Variants in DAPL1 observed in about 807,000 individuals in gnomAD.
DAPL1 encodes the protein death associated protein like 1.
Under a neutral mutation model 12.9 loss-of-function variants are expected in DAPL1, and 17 were observed. The observed-to-expected ratio is 1.32, with a 90% CI of 0.90 to 1.98. The LOEUF (loss-of-function observed/expected upper bound fraction) is 1.98, where lower values mean the gene tolerates loss of function less well. Among genes scored for constraint, DAPL1 ranks in the 30% most tolerant of loss-of-function variants. The pLI is 0.00. For synonymous variants in DAPL1, 51 were observed against 42.0 expected (o/e 1.21, Z -0.82); for missense variants, 157 against 125.7 (o/e 1.25, Z -1.19).
At chr2:158,814,373 C>T (rs144877706) in intron 3 of DAPL1, among the ~76,000 whole-genome samples, 71 of 152,094 alleles carry the variant, frequency 4.7e-4, no homozygotes, top group African/African-American at 1.7e-3. Context: ...TTCCATTCTG[C>T]TAGAATGTTG....
intron 1 of DAPL1, among the ~76,000 whole-genome samples, 194 bp downstream of exon 1, chr2:158,795,624 A>AC (rs1292275513): frequency 1.3e-5 from 2 of 152,044 alleles, no homozygotes; most frequent in African/African-American, 2.4e-5. Context: ...GATTTGTCAG[A>AC]CCCCCAGTGA....
At chr2:158,809,113 C>A (rs919277311) in intron 3 of DAPL1, among the ~76,000 whole-genome samples, 10 of 152,142 alleles carry the variant, frequency 6.6e-5, no homozygotes, top group Admixed American at 1.3e-4. Flanking sequence ...GTAATCCCAG[C>A]ACTTTGCGAG....
chr2:158,813,594 C>T lies in DAPL1; in HGVS notation c.208-2111C>T, dbSNP rs1419684948. ...TTTTTGAGATGGAGTCTTGCTCTGT[C>T]GCCCAGGCTGGAGTGCAGTGACCCG... On this transcript the variant is annotated intron_variant, in intron 3 of 3. Transcript: ENST00000309950. Among the ~76,000 whole-genome samples, 21 of 142,606 alleles carry T rather than the reference C, an allele frequency of 1.5e-4. 1 individual carries two copies. Among genetic ancestry groups the T allele is most frequent in the Admixed American group, 3.6e-4 (5 of 13,762 alleles). 93.6% of individuals were successfully genotyped at this position (142,606 alleles called of 152,430 possible).
intron 1 of DAPL1, among the ~76,000 whole-genome samples, chr2:158,801,321 A>G (rs916817962): frequency 1.4e-4 from 22 of 152,220 alleles, no homozygotes; most frequent in Non-Finnish European, 2.9e-4. Flanking sequence ...AATGAAAAAT[A>G]CTGTTGGGAG....
chr2:158,804,904 T>C (rs1218927066), intron 2 of DAPL1, among the ~76,000 whole-genome samples: 4 of 152,344 alleles, frequency 2.6e-5, no homozygotes, highest in East Asian at 1.9e-4. Flanking sequence ...CACCATAACA[T>C]TGACGCCTGC....
chr2:158,815,120 C>A (rs1288223567), intron 3 of DAPL1, among the ~76,000 whole-genome samples: 1 of 152,228 alleles, frequency 6.6e-6, no homozygotes, highest in Non-Finnish European at 1.5e-5. Context: ...GTGGAGAAGA[C>A]TAATCAGAAC....
chr2:158,800,201 T>A (rs1002530806), intron 1 of DAPL1, among the ~76,000 whole-genome samples: 1 of 152,160 alleles, frequency 6.6e-6, no homozygotes, highest in African/African-American at 2.4e-5. Flanking sequence ...ATAATAAACA[T>A]AATCTAGTTC....
Position 158,813,763 on chromosome 2 carries a change from GC to G in DAPL1, c.208-1940del, listed in dbSNP as rs548369218. The stretch of plus-strand genomic sequence containing the variant: ...GTAGAGATGGGGTTTCACCGTGTTA[GC>G]CAGGATGGTCTCGATCGCCTGACCT... On this transcript the variant is annotated intron_variant, in intron 3 of 3. Transcript: ENST00000309950. 5.9e-5 allele frequency among the ~76,000 whole-genome samples: 9 copies of G among 152,166 alleles called. No homozygotes were observed. The South Asian group carries it at 1.9e-3, about 32-fold the overall frequency.
intron 3 of DAPL1, among the ~76,000 whole-genome samples, chr2:158,808,938 C>T (rs1292766083): frequency 6.6e-6 from 1 of 152,154 alleles, no homozygotes; most frequent in African/African-American, 2.4e-5. Flanking sequence ...ATGCTTATGT[C>T]TTTGACATAT....
Position 158,805,210 on chromosome 2 carries a change from T to C in DAPL1, c.146+841T>C, listed in dbSNP as rs144146481. Among the ~76,000 whole-genome samples the C allele has an allele frequency of 5.9e-4, 90 of 152,368 alleles. No homozygotes were observed. The East Asian group carries it at 9.1e-3, about 15-fold the overall frequency. ...GTGGCACTTCTTTGACTCTTTTCTATAAAATTATTTTTAAATCACTTTTAA... is the reference window on the plus strand; with the variant it reads ...GTGGCACTTCTTTGACTCTTTTCTACAAAATTATTTTTAAATCACTTTTAA... On this transcript the variant is annotated intron_variant, in intron 2 of 3. Transcript: ENST00000309950.
rs760342114 is a variant in DAPL1, at chr2:158,806,853, T to G, written c.147-202T>G. Among the ~76,000 whole-genome samples, 26 of 130,474 alleles carry G rather than the reference T, an allele frequency of 2.0e-4. 1 individual carries two copies. In the South Asian group the frequency reaches 5.8e-3, roughly 29 times the overall value. 85.6% of individuals were successfully genotyped at this position (130,474 alleles called of 152,430 possible). A position where few individuals can be genotyped will look rare whatever the true frequency, so the allele number is the denominator to read the frequency against. On this transcript the variant is annotated intron_variant, in intron 2 of 3. Transcript: ENST00000309950. ...CTGTGTCTCAGAAAAAAAAAAATAA[T>G]AATAATAATAATAATAATTTGGCCT... is the stretch of plus-strand genomic sequence containing the variant.
chr2:158,815,292 T>G (rs1026751401), intron 3 of DAPL1, among the ~76,000 whole-genome samples: 4 of 152,342 alleles, frequency 2.6e-5, no homozygotes, highest in African/African-American at 9.6e-5. Context: ...TCTTAACTTC[T>G]TTCAGAGGTT....
intron 3 of DAPL1, among the ~76,000 whole-genome samples, chr2:158,812,180 A>G (rs2059234603): frequency 6.6e-6 from 1 of 152,232 alleles, no homozygotes; most frequent in African/African-American, 2.4e-5. Context: ...TTGTAGCTTA[A>G]CAATTATGGG....
At chr2:158,798,906 C>T (rs765352782) in intron 1 of DAPL1, among the ~76,000 whole-genome samples, 9 of 152,100 alleles carry the variant, frequency 5.9e-5, no homozygotes, top group Non-Finnish European at 1.3e-4. Flanking sequence ...AGCTTTTTCA[C>T]ATACATTGTC....
At chr2:158,800,054 C>T in intron 1 of DAPL1, among the ~76,000 whole-genome samples, 1 of 123,644 alleles carries the variant, frequency 8.1e-6, no homozygotes, top group Non-Finnish European at 1.6e-5. Flanking sequence ...CAGAGCGAGA[C>T]TCCATCTCAA....
chr2:158,805,950 T>A (rs142809396), intron 2 of DAPL1, among the ~76,000 whole-genome samples: 2 of 148,082 alleles, frequency 1.4e-5, no homozygotes, highest in East Asian at 1.9e-4. Flanking sequence ...AAATGACCGA[T>A]ATGAAATGGG....
intron 2 of DAPL1, 58 bp downstream of exon 2, chr2:158,804,427 A>G: frequency 3.8e-6 from 5 of 1,300,234 alleles, no homozygotes; most frequent in Non-Finnish European, 4.3e-6. Flanking sequence ...CTCTGCCTCC[A>G]GGAGTTATTT....
rs561888889 is a variant in DAPL1 at position 158,806,040 on chromosome 2, C to A, written c.147-1015C>A. On this transcript the variant is annotated intron_variant, in intron 2 of 3. Coordinates refer to ENST00000309950, the MANE Select transcript of DAPL1 (RefSeq NM_001017920.3). ...TAAATATCATTAGCTCCACATATAT[C>A]CCCCTCTGCTATTTACATCTCCTAG... Among the ~76,000 whole-genome samples the A allele has an allele frequency of 5.0e-4, 74 of 148,536 alleles. 5 individuals are homozygous for A. Among genetic ancestry groups the A allele is most frequent in the Admixed American group, 1.3e-3 (19 of 14,846 alleles).
At chr2:158,798,318 T>C (rs1262641262) in intron 1 of DAPL1, among the ~76,000 whole-genome samples, 3 of 152,226 alleles carry the variant, frequency 2.0e-5, no homozygotes, top group Admixed American at 2.0e-4. Context: ...AAACTGCATA[T>C]GGACCACGGT....
Sources: gnomAD v4.1 joint callset for allele counts (sites outside exome capture counted in the v4.1 genomes callset) on GRCh38, gnomAD v4.1.1 for gene constraint, MANE v1.5 for transcripts, NCBI Gene and HGNC (gene_info 2026-07-23, HGNC 2026-07-21) for gene names.